Variants in BCAS3 observed in about 807,000 individuals in gnomAD.
The protein encoded by BCAS3 is BCAS3 microtubule associated cell migration factor.
A neutral mutation model predicts 116.1 loss-of-function variants in BCAS3; 53 were observed. The ratio of observed to expected loss-of-function variants is 0.46; its 90% CI spans 0.37 to 0.57. The LOEUF (loss-of-function observed/expected upper bound fraction) is 0.57, where lower values mean the gene tolerates loss of function less well. Among genes scored for constraint, BCAS3 ranks in the 20% least tolerant of loss-of-function variants. The probability of loss-of-function intolerance (pLI) is 0.00; values close to 1 mark genes in which losing one functional copy is unlikely to be tolerated. For synonymous variants in BCAS3, 391 were observed against 408.2 expected (o/e 0.96, Z 0.51); for missense variants, 917 against 1,165.4 (o/e 0.79, Z 3.10).
rs2078851314 is a variant in BCAS3, at chr17:61,171,736, T to C, written c.2425+87172T>C. 1.3e-5 allele frequency among the ~76,000 whole-genome samples: 2 copies of C among 152,122 alleles called. No individual in the cohort carries two copies. Among genetic ancestry groups the C allele is most frequent in the African/African-American group, 2.4e-5 (1 of 41,418 alleles). Reference sequence around the variant, plus strand: ...CCTGGGCTCAAGTCATCCTCCTGCTTCAGCCTCCTGAGTAGCTGGGATTTC... The same window carrying C: ...CCTGGGCTCAAGTCATCCTCCTGCTCCAGCCTCCTGAGTAGCTGGGATTTC... On this transcript the variant is annotated intron_variant, in intron 22 of 23. Coordinates refer to ENST00000407086, the MANE Select transcript of BCAS3 (RefSeq NM_017679.5). This position sits in a 1 kb window ranked among gnomAD's most constrained non-coding sequence, Gnocchi z 4.1.
chr17:61,037,885 G>A lies in BCAS3; in HGVS notation c.1763-4G>A. 3 of 1,612,674 alleles carry A rather than the reference G, an allele frequency of 1.9e-6. No individual in the cohort carries two copies. The highest frequency in any genetic ancestry group is 8.5e-7 in the Non-Finnish European group (1 of 1,179,264). On this transcript the variant is annotated splice_polypyrimidine_tract_variant and splice_region_variant and intron_variant, in intron 17 of 23. Transcript: ENST00000407086. The surrounding 1 kb of genome is among the most constrained non-coding windows in gnomAD (Gnocchi z 4.7). ...CACATCGGGTTCTGTTTCTCTGTTTGTAGATCAGTCCAAACAAGTTGTAGT... is the reference window on the plus strand; with the variant it reads ...CACATCGGGTTCTGTTTCTCTGTTTATAGATCAGTCCAAACAAGTTGTAGT...
intron 5 of BCAS3, among the ~76,000 whole-genome samples, chr17:60,729,360 CAG>C (rs953589323): frequency 4.8e-5 from 7 of 144,952 alleles, no homozygotes; most frequent in African/African-American, 1.8e-4. Context: ...TGCTTAGTCA[CAG>C]GGTAGGTGGC....
At chr17:61,321,280 C>T (rs1458852992) in intron 22 of BCAS3, among the ~76,000 whole-genome samples, 1 of 152,134 alleles carries the variant, frequency 6.6e-6, no homozygotes, top group Admixed American at 6.5e-5. Context: ...CTTTTTAACC[C>T]AAGTAAGGAC....
chr17:61,074,876 T>C (rs776193001), intron 19 of BCAS3, 44 bp from the exon 20 acceptor site: 2 of 1,399,620 alleles, frequency 1.4e-6, no homozygotes, highest in African/African-American at 2.9e-5. Context: ...GTTTTTCCAC[T>C]GCATGGAATG....
chr17:61,103,868 A>G (rs2074480881), intron 22 of BCAS3, among the ~76,000 whole-genome samples: 1 of 152,228 alleles, frequency 6.6e-6, no homozygotes, highest in Non-Finnish European at 1.5e-5. Flanking sequence ...TAACTTGGCT[A>G]TAAAACTTTG....
rs533923289 is a variant in BCAS3, at chr17:61,315,623, C to T, written c.2426-52704C>T. Among the ~76,000 whole-genome samples the T allele has an allele frequency of 2.0e-5, 3 of 152,274 alleles. No individual in the cohort carries two copies. Among genetic ancestry groups the T allele is most frequent in the Non-Finnish European group, 2.9e-5 (2 of 68,016 alleles). ...ATGCTGGGGTGCCTCTTCCTGTCCC[C>T]AAGGACTCTACAGCCTCAGCCTCAC... is the stretch of plus-strand genomic sequence containing the variant. On this transcript the variant is annotated intron_variant, in intron 22 of 23. Transcript: ENST00000407086. This position sits in a 1 kb window ranked among gnomAD's most constrained non-coding sequence, Gnocchi z 5.3.
chr17:60,684,190 T>C (rs1240124277), intron 3 of BCAS3, 154 bp downstream of exon 3: 5 of 655,066 alleles, frequency 7.6e-6, no homozygotes, highest in African/African-American at 3.6e-5. Flanking sequence ...CATTATTGTT[T>C]AGATGTGCCG....
At chr17:60,872,423 A>G (rs1429312891) in intron 8 of BCAS3, among the ~76,000 whole-genome samples, 1 of 150,794 alleles carries the variant, frequency 6.6e-6, no homozygotes, top group African/African-American at 2.4e-5. Context: ...ATATATCTGT[A>G]TGTATATATC....
rs1341119788 is a variant in BCAS3, at chr17:61,343,715, T to C, written c.2426-24612T>C. 6.6e-6 allele frequency among the ~76,000 whole-genome samples: 1 copy of C among 152,208 alleles called. No homozygotes were observed. On this transcript the variant is annotated intron_variant, in intron 22 of 23. Coordinates refer to ENST00000407086, the MANE Select transcript of BCAS3 (RefSeq NM_017679.5). The surrounding 1 kb of genome is among the most constrained non-coding windows in gnomAD (Gnocchi z 5.5). ...CTCCTGTCAGATTCCCTTTCCAATA[T>C]TATCCTCCAGGAACTTGTGATTATC...
chr17:61,385,639 G>C (rs892176592), intron 23 of BCAS3, among the ~76,000 whole-genome samples: 2 of 152,218 alleles, frequency 1.3e-5, no homozygotes, highest in African/African-American at 4.8e-5. Context: ...GGGCAAGCGC[G>C]GGCAGCTCGG....
intron 7 of BCAS3, among the ~76,000 whole-genome samples, chr17:60,850,249 TATTACAGTATC>T (rs2052961653): frequency 6.6e-6 from 1 of 151,828 alleles, no homozygotes; most frequent in Admixed American, 6.6e-5. Flanking sequence ...CTGTACCCAC[TATTACAGTATC>T]ATAAAGATAG....
chr17:60,796,703 A>T (rs1249184503), intron 6 of BCAS3, among the ~76,000 whole-genome samples: 2 of 151,044 alleles, frequency 1.3e-5, no homozygotes, highest in East Asian at 3.9e-4. Flanking sequence ...TTTTTCCCCA[A>T]TTTCATTTAT....
chr17:61,044,206 C>T (rs1324711647), intron 19 of BCAS3, among the ~76,000 whole-genome samples: 3 of 151,676 alleles, frequency 2.0e-5, no homozygotes, highest in Non-Finnish European at 2.9e-5. Flanking sequence ...CCAGCACTTT[C>T]GGAGACCAAG....
At chr17:61,373,481 G>T (rs1261984040) in intron 23 of BCAS3, among the ~76,000 whole-genome samples, 1 of 150,582 alleles carries the variant, frequency 6.6e-6, no homozygotes, top group Non-Finnish European at 1.5e-5. Context: ...CCAGACTGGA[G>T]TGCTGTGGCA....
At chr17:60,877,876 C>G (rs1384224720) in intron 9 of BCAS3, among the ~76,000 whole-genome samples, 1 of 152,040 alleles carries the variant, frequency 6.6e-6, no homozygotes, top group Non-Finnish European at 1.5e-5. Context: ...TTCATAAAAT[C>G]TGAAATGTAT....
At chr17:60,771,101 C>T (rs2044659889) in intron 6 of BCAS3, among the ~76,000 whole-genome samples, 1 of 152,074 alleles carries the variant, frequency 6.6e-6, no homozygotes, top group African/African-American at 2.4e-5. Context: ...AACCACCACG[C>T]CCAGCCCCCA....
chr17:60,803,251 C>T (rs1022309728), intron 6 of BCAS3, among the ~76,000 whole-genome samples: 2 of 152,156 alleles, frequency 1.3e-5, no homozygotes, highest in Admixed American at 1.3e-4. Context: ...GTGCTGGGAA[C>T]GGGGAAGATG....
At chr17:61,079,246 A>G (rs1408366589) in intron 21 of BCAS3, among the ~76,000 whole-genome samples, 5 of 152,182 alleles carry the variant, frequency 3.3e-5, no homozygotes, top group Non-Finnish European at 5.9e-5. Flanking sequence ...ACTCTATAGT[A>G]TATCTTGAAT....
chr17:60,887,862 T>A (rs1320463720), intron 9 of BCAS3, among the ~76,000 whole-genome samples: 1 of 152,206 alleles, frequency 6.6e-6, no homozygotes, highest in Non-Finnish European at 1.5e-5. Flanking sequence ...TCTTAATTAC[T>A]TTTTTAGTAA....
Sources: allele counts gnomAD v4.1 joint callset (sites outside exome capture counted in the v4.1 genomes callset), GRCh38; gene constraint gnomAD v4.1.1; non-coding constraint Gnocchi (gnomAD v3.1); transcripts MANE v1.5; gene names NCBI Gene and HGNC (gene_info 2026-07-23, HGNC 2026-07-21).